The following AKAP19 variants were observed in gnomAD, a reference collection of about 807,000 sequenced individuals.
AKAP19 encodes the protein A-kinase anchoring protein 19, also known as small A-kinase anchoring protein.
At chr2:189,915,528 C>T in the AKAP19 span, among the ~76,000 whole-genome samples, 1 of 151,928 alleles carries the variant, frequency 6.6e-6, no homozygotes, top group East Asian at 1.9e-4. Flanking sequence ...TCCCAGCTAG[C>T]AAATGATGTT....
chr2:189,950,346 T>G, the AKAP19 span, among the ~76,000 whole-genome samples: 1 of 144,758 alleles, frequency 6.9e-6, no homozygotes, highest in Admixed American at 6.9e-5. Context: ...TTTTTTTTTT[T>G]GTTTTTTTTT....
chr2:190,163,210 G>T, the AKAP19 span, among the ~76,000 whole-genome samples: 13 of 151,356 alleles, frequency 8.6e-5, no homozygotes. Context: ...CGAGACGGGC[G>T]GATCACGAGG....
the AKAP19 span, among the ~76,000 whole-genome samples, chr2:190,079,006 A>C: frequency 2.3e-4 from 35 of 152,150 alleles, no homozygotes; most frequent in South Asian, 8.3e-4. Context: ...ATGAAAAAAA[A>C]CATTTCATTT....
chr2:189,976,202 G>A, the AKAP19 span, among the ~76,000 whole-genome samples: 1 of 152,210 alleles, frequency 6.6e-6, no homozygotes, highest in African/African-American at 2.4e-5. Flanking sequence ...TAACAGTCAG[G>A]ATCCTCCACT....
chr2:190,050,423 G>T, the AKAP19 span, among the ~76,000 whole-genome samples: 2 of 152,164 alleles, frequency 1.3e-5, no homozygotes, highest in Non-Finnish European at 1.5e-5. Context: ...TTAAAAATTG[G>T]AAGGTACTGG....
the AKAP19 span, among the ~76,000 whole-genome samples, chr2:190,125,264 T>G: frequency 6.6e-6 from 1 of 152,158 alleles, no homozygotes; most frequent in Admixed American, 6.6e-5. Context: ...TAGGAATGTT[T>G]CAGCTGCAGA....
chr2:189,958,366 A>C, the AKAP19 span, among the ~76,000 whole-genome samples: 2 of 152,030 alleles, frequency 1.3e-5, no homozygotes, highest in East Asian at 3.8e-4. Flanking sequence ...AAATTCTGAG[A>C]ATATCAAACA....
chr2:190,173,854 C>T, the AKAP19 span, among the ~76,000 whole-genome samples: 1 of 152,196 alleles, frequency 6.6e-6, no homozygotes, highest in Admixed American at 6.5e-5. Flanking sequence ...TCAGTATGTT[C>T]AGCTTCCCTG....
chr2:190,122,985 A>AT, the AKAP19 span, among the ~76,000 whole-genome samples: 3 of 151,658 alleles, frequency 2.0e-5, no homozygotes, highest in Non-Finnish European at 4.4e-5. Context: ...AATTAAAAAA[A>AT]TTTTTTTGTA....
the AKAP19 span, among the ~76,000 whole-genome samples, chr2:190,103,149 G>GA: frequency 6.8e-4 from 104 of 152,096 alleles, no homozygotes; most frequent in Non-Finnish European, 1.4e-3. Flanking sequence ...ATCCTTTACT[G>GA]AAAAAAACCC....
the AKAP19 span, among the ~76,000 whole-genome samples, chr2:189,884,014 A>C: frequency 6.6e-6 from 1 of 152,162 alleles, no homozygotes; most frequent in African/African-American, 2.4e-5. Context: ...TTACACCCAG[A>C]TGCTTAATAA....
chr2:189,918,681 G>A, the AKAP19 span, among the ~76,000 whole-genome samples: 1 of 152,076 alleles, frequency 6.6e-6, no homozygotes, highest in East Asian at 1.9e-4. Flanking sequence ...AATTGAAAAT[G>A]GTAGTCAAAT....
At chr2:190,163,480 C>A in the AKAP19 span, among the ~76,000 whole-genome samples, 1 of 151,248 alleles carries the variant, frequency 6.6e-6, no homozygotes, top group African/African-American at 2.4e-5. Context: ...CTGAGTCTTG[C>A]CCTGTGATTT....
At chr2:190,115,447 G>A in the AKAP19 span, among the ~76,000 whole-genome samples, 2 of 135,732 alleles carry the variant, frequency 1.5e-5, no homozygotes, top group African/African-American at 5.6e-5. Context: ...AGCCTCCCAA[G>A]TAGCTGGGAC....
the AKAP19 span, among the ~76,000 whole-genome samples, chr2:189,968,706 C>T: frequency 1.3e-5 from 2 of 151,882 alleles, no homozygotes; most frequent in Non-Finnish European, 2.9e-5. Flanking sequence ...AATACAAAGG[C>T]CCCCTTCATA....
chr2:190,086,707 G>A, the AKAP19 span, among the ~76,000 whole-genome samples: 7 of 152,274 alleles, frequency 4.6e-5, no homozygotes, highest in Admixed American at 3.3e-4. Context: ...CTCTAATCTT[G>A]TAAATTTTAC....
the AKAP19 span, chr2:190,163,995 G>A: frequency 1.3e-5 from 2 of 152,214 alleles, no homozygotes; most frequent in Non-Finnish European, 2.9e-5. Flanking sequence ...GATCTACACG[G>A]AAACCATATA....
the AKAP19 span, among the ~76,000 whole-genome samples, chr2:190,082,102 C>T: frequency 2.6e-5 from 4 of 152,146 alleles, no homozygotes; most frequent in African/African-American, 9.7e-5. Flanking sequence ...GGTTTTTGTG[C>T]CCTCTACTTT....
the AKAP19 span, among the ~76,000 whole-genome samples, chr2:189,961,155 T>C: frequency 6.6e-6 from 1 of 152,162 alleles, no homozygotes; most frequent in African/African-American, 2.4e-5. Flanking sequence ...TTTAATCAGG[T>C]CTTCATACCA....
Sources: allele counts gnomAD v4.1 joint callset (sites outside exome capture counted in the v4.1 genomes callset), GRCh38; gene constraint gnomAD v4.1.1; transcripts MANE v1.5; gene names NCBI Gene and HGNC (gene_info 2026-07-23, HGNC 2026-07-21).